The following GLE1 variants were observed in gnomAD, a reference collection of about 807,000 sequenced individuals.
The protein encoded by GLE1 is mRNA export factor GLE1.
Under a neutral mutation model 97.3 loss-of-function variants are expected in GLE1, and 78 were observed. The observed-to-expected ratio is 0.80, with a 90% CI of 0.67 to 0.97. GLE1 has a LOEUF of 0.97. Ranked by LOEUF, GLE1 falls within the 50% of genes least tolerant of loss-of-function variation. The pLI, the probability that GLE1 is intolerant of heterozygous loss-of-function variation, is 0.00. For synonymous variants in GLE1, 302 were observed against 313.4 expected, an observed-to-expected ratio of 0.96 and a Z score of 0.39; for missense variants, 753 against 857.5, an observed-to-expected ratio of 0.88 and a Z score of 1.52.
intron 9 of GLE1, among the ~76,000 whole-genome samples, chr9:128,532,490 T>C (rs914337385): frequency 2.0e-5 from 3 of 151,376 alleles, no homozygotes; most frequent in Non-Finnish European, 4.4e-5. Flanking sequence ...CCTCCCAAAG[T>C]GCTGGCCCAG....
intron 3 of GLE1, among the ~76,000 whole-genome samples, chr9:128,521,146 C>CT (rs930075422): frequency 2.6e-5 from 4 of 151,982 alleles, no homozygotes; most frequent in African/African-American, 9.7e-5. Flanking sequence ...GGTGTTATGT[C>CT]TTTTTTTTCT....
rs150899523 is a variant in GLE1, at chr9:128,505,245, A to G, written c.99+341A>G. On this transcript the variant is annotated intron_variant, in intron 1 of 15. Coordinates refer to ENST00000309971, the MANE Select transcript of GLE1 (RefSeq NM_001003722.2). ...GTATGTCTCATGTGCTGGGAGCTCT[A>G]GAGTTTGCGACGAACGATTGACACG... Among the ~76,000 whole-genome samples, 117 of 152,312 alleles carry G rather than the reference A, an allele frequency of 7.7e-4. 3 individuals carry two copies. In the East Asian group the frequency reaches 0.019, roughly 25 times the overall value.
chr9:128,518,434 G>A (rs1163075026), intron 3 of GLE1, among the ~76,000 whole-genome samples: 3 of 151,520 alleles, frequency 2.0e-5, no homozygotes, highest in Non-Finnish European at 4.4e-5. Context: ...AGTGGTGCAC[G>A]CCTGTAATCC....
chr9:128,535,063 A>AT (rs911453186), intron 11 of GLE1, among the ~76,000 whole-genome samples: 1 of 151,870 alleles, frequency 6.6e-6, no homozygotes, highest in African/African-American at 2.4e-5. Context: ...ATATATTGTT[A>AT]TTTTTTAGCC....
chr9:128,530,007 A>G (rs1484521792), intron 9 of GLE1, among the ~76,000 whole-genome samples: 2 of 152,162 alleles, frequency 1.3e-5, no homozygotes. Context: ...CGTGTTAGCC[A>G]GGATGGTCTC....
chr9:128,535,546 C>T (rs1338959047), intron 11 of GLE1, among the ~76,000 whole-genome samples: 2 of 140,158 alleles, frequency 1.4e-5, no homozygotes, highest in African/African-American at 5.3e-5. Context: ...AAAGGCCAGG[C>T]GCGGTGGCTC....
chr9:128,533,462 A>G (rs1413270866), intron 9 of GLE1, 51 bp from the exon 10 acceptor site: 17 of 1,424,506 alleles, frequency 1.2e-5, no homozygotes, highest in Non-Finnish European at 1.6e-5. Context: ...AGGAAAAGAA[A>G]AAGAGATTGA....
intron 13 of GLE1, among the ~76,000 whole-genome samples, chr9:128,538,914 G>A (rs1458518876): frequency 6.6e-6 from 1 of 152,066 alleles, no homozygotes; most frequent in East Asian, 1.9e-4. Flanking sequence ...TAACAAATCT[G>A]GAACCATTTG....
chr9:128,535,279 A>C (rs1847664128), intron 11 of GLE1, among the ~76,000 whole-genome samples: 1 of 151,538 alleles, frequency 6.6e-6, no homozygotes, highest in African/African-American at 2.4e-5. Context: ...TGGGAAGCCA[A>C]GGCCGCCAAA....
chr9:128,504,936 TC>T, intron 1 of GLE1, 32 bp downstream of exon 1: 1 of 1,434,400 alleles, frequency 7.0e-7, no homozygotes, highest in Non-Finnish European at 9.8e-7. Context: ...CGTAGGCCTT[TC>T]CGGCCCCTCG....
At chr9:128,514,272 C>T (rs1216310183) in intron 2 of GLE1, among the ~76,000 whole-genome samples, 1 of 146,322 alleles carries the variant, frequency 6.8e-6, no homozygotes, top group African/African-American at 2.5e-5. Flanking sequence ...CTGGAAGGTC[C>T]AGGCTGTAAT....
intron 2 of GLE1, 90 bp from the exon 3 acceptor site, chr9:128,515,439 G>A: frequency 1.3e-6 from 1 of 746,688 alleles, no homozygotes; most frequent in South Asian, 1.5e-5. Context: ...TCATAAGTTG[G>A]GATGTGGTCT....
intron 2 of GLE1, among the ~76,000 whole-genome samples, chr9:128,513,815 G>A (rs957959766): frequency 1.3e-5 from 2 of 151,664 alleles, no homozygotes; most frequent in African/African-American, 4.8e-5. Context: ...AAGAGATCAA[G>A]ACCATCCTGG....
intron 13 of GLE1, 26 bp from the exon 14 acceptor site, chr9:128,539,590 C>CT: frequency 6.2e-7 from 1 of 1,601,974 alleles, no homozygotes. Flanking sequence ...ATTTTCTGCT[C>CT]TGACAGTGCC....
At chr9:128,510,081 G>T (rs1846760853) in intron 2 of GLE1, among the ~76,000 whole-genome samples, 1 of 151,668 alleles carries the variant, frequency 6.6e-6, no homozygotes, top group Non-Finnish European at 1.5e-5. Flanking sequence ...TTTTTGAGCT[G>T]AGGTCTGTCT....
chr9:128,518,011 C>G (rs1847035186), intron 3 of GLE1, among the ~76,000 whole-genome samples: 2 of 152,020 alleles, frequency 1.3e-5, no homozygotes, highest in African/African-American at 4.8e-5. Context: ...ATCAGAGATT[C>G]AAGGGGAATA....
At chr9:128,515,388 C>G (rs1342303317) in intron 2 of GLE1, 141 bp from the exon 3 acceptor site, 3 of 653,870 alleles carry the variant, frequency 4.6e-6, no homozygotes, top group East Asian at 2.7e-5. Flanking sequence ...CACACTAGTT[C>G]TGACCTAAAT....
intron 9 of GLE1, among the ~76,000 whole-genome samples, chr9:128,530,523 T>A (rs1476018391): frequency 2.0e-5 from 3 of 152,206 alleles, no homozygotes; most frequent in Non-Finnish European, 4.4e-5. Flanking sequence ...TCCTTTAAGA[T>A]CTTGTAGTCC....
At position 128,504,739 on chromosome 9, in the gene GLE1, C is replaced by A; in HGVS notation, c.-67C>A. The A allele has an allele frequency of 9.1e-7, 1 of 1,093,124 alleles. No homozygotes were observed. The highest frequency in any genetic ancestry group is 1.4e-6 in the Non-Finnish European group (1 of 710,426). 67.7% of individuals were successfully genotyped at this position (1,093,124 alleles called of 1,614,324 possible). ...GAAGCAGAAGCCTGTGTGGCCTTCC[C>A]GGCGGCTGATTCGAGGGCTTGTTTG... On this transcript the variant is annotated 5_prime_UTR_variant, in exon 1 of 16. Transcript: ENST00000309971.
Sources: allele counts gnomAD v4.1 joint callset (sites outside exome capture counted in the v4.1 genomes callset), GRCh38; gene constraint gnomAD v4.1.1; transcripts MANE v1.5; gene names NCBI Gene and HGNC (gene_info 2026-07-23, HGNC 2026-07-21).